Variants in IRS1 observed in about 807,000 individuals in gnomAD.
The protein encoded by IRS1 is insulin receptor substrate 1.
In IRS1, 34 loss-of-function variants were observed where a neutral mutation model predicts 65.6. The ratio of observed to expected loss-of-function variants is 0.52; its 90% confidence interval spans 0.39 to 0.69. The LOEUF is 0.69. Ranked by LOEUF, IRS1 falls within the 30% of genes least tolerant of loss-of-function variation. IRS1 has a pLI of 0.00. For missense variants in IRS1, 1,641 were observed against 1,720.2 expected (o/e 0.95, Z 0.81); for synonymous variants, 699 against 683.5 (o/e 1.02, Z -0.35).
At chr2:226,764,095 T>C (rs1391584466) in intron 1 of IRS1, among the ~76,000 whole-genome samples, 1 of 152,052 alleles carries the variant, frequency 6.6e-6, no homozygotes, top group Non-Finnish European at 1.5e-5. Flanking sequence ...CCAAGAATCA[T>C]TTCCACTCAG....
At position 226,799,738 on chromosome 2, in the gene IRS1, G is replaced by T; in HGVS notation, c.-1000C>A. 4 of 998,842 alleles carry T rather than the reference G, an allele frequency of 4.0e-6. No individual in the cohort carries two copies. Among genetic ancestry groups the T allele is most frequent in the Non-Finnish European group, 4.8e-6 (4 of 829,846 alleles). The allele number at this position is 998,842 out of a possible 1,614,324, so 61.9% of individuals were successfully genotyped here. ...CGGCGGCGTCTGGCTCTGCGCGCCG[G>T]CCCCCTCCGACCGCGCCGCCGTCTC... On this transcript the variant is annotated 5_prime_UTR_variant, in exon 1 of 2. Coordinates refer to ENST00000305123, the MANE Select transcript of IRS1 (RefSeq NM_005544.3). This position sits in a 1 kb window ranked among gnomAD's most constrained non-coding sequence, Gnocchi z 6.1.
rs1280356010 is a variant in IRS1, at chr2:226,794,542, A to T, written c.*21+447T>A. Among the ~76,000 whole-genome samples, 1 of 152,226 alleles carries T rather than the reference A, an allele frequency of 6.6e-6. No homozygotes were observed. The highest frequency in any genetic ancestry group is 6.5e-5 in the Admixed American group (1 of 15,284). On this transcript the variant is annotated intron_variant, in intron 1 of 1. Coordinates refer to ENST00000305123, the MANE Select transcript of IRS1 (RefSeq NM_005544.3). The surrounding 1 kb of genome is among the most constrained non-coding windows in gnomAD (Gnocchi z 4.1). ...GAACAACTTGATAAGATCACCCTTA[A>T]GGGCTCCCAGAAACTATTAAGATAG... is the stretch of plus-strand genomic sequence containing the variant.
chr2:226,779,140 C>T (rs545964324), intron 1 of IRS1, among the ~76,000 whole-genome samples: 7 of 152,268 alleles, frequency 4.6e-5, no homozygotes, highest in East Asian at 1.9e-4. Context: ...GAGTCTTCAA[C>T]GACTCCCTAC....
intron 1 of IRS1, among the ~76,000 whole-genome samples, chr2:226,786,696 T>TA (rs1207670342): frequency 1.2e-4 from 17 of 144,558 alleles, no homozygotes; most frequent in African/African-American, 4.1e-4. Flanking sequence ...ATTGGAAACT[T>TA]ACAGCATGTA....
chr2:226,789,565 T>C (rs1939549598), intron 1 of IRS1, among the ~76,000 whole-genome samples: 1 of 152,232 alleles, frequency 6.6e-6, no homozygotes, highest in African/African-American at 2.4e-5. Context: ...TAAATGGCTG[T>C]CTCACTGAAG....
chr2:226,769,110 A>T lies in IRS1; in HGVS notation c.*21+25879T>A, dbSNP rs1279016863. Among the ~76,000 whole-genome samples the T allele has an allele frequency of 2.0e-5, 3 of 152,262 alleles. No individual in the cohort carries two copies. In the East Asian group the frequency reaches 5.8e-4, roughly 29 times the overall value. ...TATTGTTTATGCAACTGAAGAGACC[A>T]TCAGAACCTAGAAACTAGTAATAGG... On this transcript the variant is annotated intron_variant, in intron 1 of 1. Transcript: ENST00000305123.
chr2:226,758,812 A>T (rs1938854699), intron 1 of IRS1, among the ~76,000 whole-genome samples: 1 of 152,208 alleles, frequency 6.6e-6, no homozygotes, highest in Non-Finnish European at 1.5e-5. Context: ...ACCACCTCCA[A>T]ATTAGCCAGA....
At chr2:226,767,121 G>T (rs1183738336) in intron 1 of IRS1, among the ~76,000 whole-genome samples, 1 of 152,064 alleles carries the variant, frequency 6.6e-6, no homozygotes, top group Non-Finnish European at 1.5e-5. Context: ...AAAAAGGCCT[G>T]ATATGTAGGT....
intron 1 of IRS1, among the ~76,000 whole-genome samples, chr2:226,768,718 C>T (rs368851651): frequency 2.6e-5 from 4 of 152,128 alleles, no homozygotes; most frequent in African/African-American, 9.7e-5. Flanking sequence ...CTCGCTGCAA[C>T]CCCCACCTCC....
At chr2:226,774,124 C>T (rs1939220332) in intron 1 of IRS1, among the ~76,000 whole-genome samples, 1 of 152,060 alleles carries the variant, frequency 6.6e-6, no homozygotes, top group Non-Finnish European at 1.5e-5. Context: ...ACAGCCAAGC[C>T]TCAATGAACT....
chr2:226,762,372 A>AAG (rs1553530653), intron 1 of IRS1, among the ~76,000 whole-genome samples: 46 of 151,836 alleles, frequency 3.0e-4, no homozygotes, highest in African/African-American at 1.0e-3. Flanking sequence ...AAAAAAAAAA[A>AAG]AGAGAGAGAG....
chr2:226,757,969 TTAA>T (rs2106165506), intron 1 of IRS1, among the ~76,000 whole-genome samples: 1 of 152,344 alleles, frequency 6.6e-6, no homozygotes, highest in South Asian at 2.1e-4. Context: ...TGGTTTGTAG[TTAA>T]TAAGAAAAAT....
intron 1 of IRS1, among the ~76,000 whole-genome samples, chr2:226,787,203 G>A (rs868603996): frequency 2.0e-5 from 3 of 151,856 alleles, no homozygotes; most frequent in Admixed American, 6.6e-5. Context: ...CTTTTTTCCT[G>A]CTTTTTGTCA....
intron 1 of IRS1, among the ~76,000 whole-genome samples, chr2:226,749,504 C>T (rs1938629508): frequency 6.6e-6 from 1 of 152,128 alleles, no homozygotes; most frequent in Non-Finnish European, 1.5e-5. Context: ...TAAGTCCTTG[C>T]TAATTTCCCA....
intron 1 of IRS1, among the ~76,000 whole-genome samples, chr2:226,791,159 G>T (rs1939586438): frequency 1.3e-5 from 2 of 152,086 alleles, no homozygotes; most frequent in Non-Finnish European, 2.9e-5. Flanking sequence ...TCAAGCCAAA[G>T]GAATTCCCCC....
chr2:226,781,907 C>CACAT (rs3222009), intron 1 of IRS1, among the ~76,000 whole-genome samples: 23 of 150,628 alleles, frequency 1.5e-4, no homozygotes, highest in East Asian at 9.7e-4. Flanking sequence ...CACACACACA[C>CACAT]GTTTGGGCAA....
chr2:226,782,090 G>A lies in IRS1; in HGVS notation c.*21+12899C>T, dbSNP rs187446211. Among the ~76,000 whole-genome samples, 5 of 152,170 alleles carry A rather than the reference G, an allele frequency of 3.3e-5. No homozygotes were observed. In the East Asian group the frequency reaches 9.6e-4, roughly 29 times the overall value. ...GAAAGGAAGTTATTGTTTAGCTGTG[G>A]TTCAAAGAGTATGCTGGAATTGGGA... is the stretch of plus-strand genomic sequence containing the variant. On this transcript the variant is annotated intron_variant, in intron 1 of 1. Transcript: ENST00000305123.
Position 226,795,992 on chromosome 2 carries a change from T to C in IRS1, c.2747A>G (p.His916Arg). The C allele has an allele frequency of 1.9e-6, 3 of 1,614,126 alleles. No individual in the cohort carries two copies. Among genetic ancestry groups the C allele is most frequent in the Non-Finnish European group, 2.5e-6 (3 of 1,180,024 alleles). The change falls in exon 1 of 2, where the codon CAC becomes CGC. Residue 916 changes from histidine (H) to arginine (R), a missense_variant. Coordinates refer to ENST00000305123, the MANE Select transcript of IRS1 (RefSeq NM_005544.3). ...TGGACACCTGACAGAAGGTGAGCTG[T>C]GGAAAGCCACCGGGCCAGACAAGTA... ...SGYLSGPVAF[H>R]SSPSVRCPSQ... is the part of the protein sequence containing the mutation.
At chr2:226,746,936 C>T (rs1294697509) in intron 1 of IRS1, among the ~76,000 whole-genome samples, 2 of 151,724 alleles carry the variant, frequency 1.3e-5, no homozygotes, top group African/African-American at 2.4e-5. Flanking sequence ...ACTACAGGCA[C>T]GCACCACCAT....
Sources: allele counts gnomAD v4.1 joint callset (sites outside exome capture counted in the v4.1 genomes callset), GRCh38; gene constraint gnomAD v4.1.1; non-coding constraint Gnocchi (gnomAD v3.1); transcripts MANE v1.5; gene names NCBI Gene and HGNC (gene_info 2026-07-23, HGNC 2026-07-21).